The following GRIP2 variants were observed in gnomAD, a reference collection of about 807,000 sequenced individuals.
GRIP2 encodes the protein glutamate receptor interacting protein 2.
Under a neutral mutation model 108.3 loss-of-function variants are expected in GRIP2, and 58 were observed. That is an observed-to-expected ratio of 0.54 (90% CI 0.43 to 0.67). GRIP2 has a LOEUF of 0.67. GRIP2 is among the 30% of genes least tolerant of loss of function. GRIP2 has a pLI of 0.00. For synonymous variants in GRIP2, 586 were observed against 598.2 expected (o/e 0.98, Z 0.30); for missense variants, 1,278 against 1,430.6 (o/e 0.89, Z 1.72).
chr3:14,556,168 C>T, upstream of GRIP2: 2 of 393,762 alleles, frequency 5.1e-6, no homozygotes, highest in South Asian at 2.9e-4. Context: ...TCCAAAGCAG[C>T]CGGGCCTGGG....
chr3:14,559,606 G>T (rs1270934804), upstream of GRIP2, among the ~76,000 whole-genome samples: 1 of 152,096 alleles, frequency 6.6e-6, no homozygotes, highest in African/African-American at 2.4e-5. Context: ...TGTCTTGGGG[G>T]TGCAGGATCC....
chr3:14,551,616 G>A (rs1027367839), intron 1 of GRIP2, among the ~76,000 whole-genome samples: 14 of 152,176 alleles, frequency 9.2e-5, no homozygotes, highest in Admixed American at 9.2e-4. Context: ...TCCCGGGACA[G>A]GAGAAGCACA....
chr3:14,565,363 C>T, the GRIP2 span, among the ~76,000 whole-genome samples: 3 of 152,180 alleles, frequency 2.0e-5, no homozygotes, highest in Admixed American at 6.5e-5. Flanking sequence ...GGCTCCCAGA[C>T]GGGGCTGCTG....
In GRIP2 at chr3:14,505,704, G is replaced by A. The variant is rs547662300; in HGVS notation, c.2484C>T (p.Thr828=). 1,667 of 1,594,184 alleles carry A rather than the reference G, an allele frequency of 1.0e-3. 38 individuals carry two copies. In the South Asian group the frequency reaches 0.018, roughly 17 times the overall value. Residue 828 remains threonine (T), a synonymous_variant, in exon 20 of 24, where the codon ACC becomes ACT. Transcript: ENST00000621039. This position sits in a 1 kb window ranked among gnomAD's most constrained non-coding sequence, Gnocchi z 4.2. ...GGGTATAGCTCGTCCTCCGGGGCTC[G>A]GTGGGTGGGGGGCTGCCCCTCAGCC... is the stretch of plus-strand genomic sequence containing the variant. The part of the protein sequence containing the change: ...PGWLRGSPPP[T]EPRRTSYTPT...
chr3:14,532,439 G>A (rs1694733315), intron 1 of GRIP2, among the ~76,000 whole-genome samples: 1 of 152,076 alleles, frequency 6.6e-6, no homozygotes, highest in African/African-American at 2.4e-5. Flanking sequence ...GGTATTTTTT[G>A]CCAGATGATT....
Position 14,520,524 on chromosome 3 carries a change from A to T in GRIP2, c.726T>A (p.Asn242Lys). ...YDVATPDTVA[N>K]ASGPLMVEIV... ...TTTCCACCATCAAGGGTCCCGAAGC[A>T]TTAGCCACCGTGTCTGGCATGACGG... Residue 242 changes from asparagine (N) to lysine (K), a missense_variant, in exon 8 of 24, where the codon AAT (asparagine) becomes AAA (lysine). By Grantham distance (94) the Asn-to-Lys change is moderately conservative. Coordinates refer to ENST00000621039, the MANE Select transcript of GRIP2 (RefSeq NM_001080423.4). The T allele has an allele frequency of 6.2e-7, 1 of 1,614,014 alleles. No individual in the cohort carries two copies. Among genetic ancestry groups the T allele is most frequent in the Non-Finnish European group, 8.5e-7 (1 of 1,179,880 alleles).
In GRIP2 at chr3:14,513,734, C is replaced by G. The variant is rs901614226; in HGVS notation, c.1570G>C (p.Ala524Pro). ...GCGGCGTCCCGCAGGAGCTGGTTGG[C>G]TTCCTCCATAGTCCCGTCCTCGGTG... ...IATEDGTMEE[A>P]NQLLRDAALA... Residue 524 changes from alanine (A) to proline (P), a missense_variant, in exon 13 of 24, where the codon GCC (alanine) becomes CCC (proline). By Grantham distance (27) the Ala-to-Pro change is conservative. Transcript: ENST00000621039. 4 of 1,610,936 alleles carry G rather than the reference C, an allele frequency of 2.5e-6. No homozygotes were observed. The highest frequency in any genetic ancestry group is 3.4e-5 in the Admixed American group (2 of 59,692).
the GRIP2 span, among the ~76,000 whole-genome samples, chr3:14,592,870 G>A: frequency 6.6e-6 from 1 of 152,150 alleles, no homozygotes; most frequent in East Asian, 1.9e-4. Flanking sequence ...CAATGCTGCT[G>A]CTGTCTGACT....
chr3:14,507,168 C>T lies in GRIP2; in HGVS notation c.2219-188G>A, dbSNP rs1352757431. ...ACTGAGGCTCGGGGAAGCTGAGCAG[C>T]ATGCCCGAGATCACACAGTGAGCAC... On this transcript the variant is annotated intron_variant, in intron 18 of 23. Coordinates refer to ENST00000621039, the MANE Select transcript of GRIP2 (RefSeq NM_001080423.4). This position sits in a 1 kb window ranked among gnomAD's most constrained non-coding sequence, Gnocchi z 4.6. 6.6e-6 allele frequency among the ~76,000 whole-genome samples: 1 copy of T among 151,740 alleles called. No individual in the cohort carries two copies. Among genetic ancestry groups the T allele is most frequent in the Non-Finnish European group, 1.5e-5 (1 of 67,896 alleles).
chr3:14,574,447 C>T, the GRIP2 span: 1 of 713,310 alleles, frequency 1.4e-6, no homozygotes, highest in Non-Finnish European at 2.5e-6. Flanking sequence ...TTCCGCCAGC[C>T]TCGCTCCAAA....
At chr3:14,552,535 C>T (rs1575036551) in intron 1 of GRIP2, among the ~76,000 whole-genome samples, 1 of 152,164 alleles carries the variant, frequency 6.6e-6, no homozygotes, top group East Asian at 1.9e-4. Flanking sequence ...TGGCTCCTCA[C>T]CTCCTGCCTG....
At chr3:14,587,908 T>A in the GRIP2 span, among the ~76,000 whole-genome samples, 2 of 152,154 alleles carry the variant, frequency 1.3e-5, no homozygotes, top group Non-Finnish European at 2.9e-5. Flanking sequence ...TTGCACTCCG[T>A]CTATAAAAAA....
Position 14,512,910 on chromosome 3 carries a change from C to A in GRIP2, c.1640-53G>T, listed in dbSNP as rs373174841. 3 of 1,522,206 alleles carry A rather than the reference C, an allele frequency of 2.0e-6. No individual in the cohort carries two copies. Among genetic ancestry groups the A allele is most frequent in the Non-Finnish European group, 2.7e-6 (3 of 1,097,014 alleles). 94.3% of individuals were successfully genotyped at this position (1,522,206 alleles called of 1,614,324 possible). A position where few individuals can be genotyped will look rare whatever the true frequency, so the allele number is the denominator to read the frequency against. ...TGAGGACCCAGAGGAGGAGCCTCAGCGAACCCCAGCCCCATGCCCATTCTG... is the reference window on the plus strand; with the variant it reads ...TGAGGACCCAGAGGAGGAGCCTCAGAGAACCCCAGCCCCATGCCCATTCTG... On this transcript the variant is annotated intron_variant, in intron 13 of 23. Coordinates refer to ENST00000621039, the MANE Select transcript of GRIP2 (RefSeq NM_001080423.4). The surrounding 1 kb of genome is among the most constrained non-coding windows in gnomAD (Gnocchi z 5.1).
In GRIP2 at chr3:14,517,874, G is replaced by A. The variant is rs781161531; in HGVS notation, c.1054C>T (p.Leu352=). Reference sequence around the variant, plus strand: ...GGCACGCAGGGGTCCCAGCGGTGCAGCTGCTCACTCCTCTGCACTTTCACT... The same window carrying A: ...GGCACGCAGGGGTCCCAGCGGTGCAACTGCTCACTCCTCTGCACTTTCACT... ...EAVKVQRSEQ[L]HRWDPCVPSC... Residue 352 remains leucine (L), a synonymous_variant, in exon 10 of 24, where the codon CTG becomes TTG. Transcript: ENST00000621039. 1.3e-6 allele frequency: 2 copies of A among 1,591,056 alleles called. No homozygotes were observed. The highest frequency in any genetic ancestry group is 3.5e-5 in the Admixed American group (2 of 56,842).
the GRIP2 span, among the ~76,000 whole-genome samples, chr3:14,564,558 C>T: frequency 1.4e-4 from 22 of 152,366 alleles, no homozygotes; most frequent in African/African-American, 5.0e-4. Flanking sequence ...CACACAGGCA[C>T]CCGGTGGTGT....
At chr3:14,510,140 A>G (rs1694043226) in intron 16 of GRIP2, among the ~76,000 whole-genome samples, 176 bp from the exon 17 acceptor site, 1 of 152,186 alleles carries the variant, frequency 6.6e-6, no homozygotes, top group East Asian at 1.9e-4. Flanking sequence ...CCCAAATACC[A>G]GTAAAGAAAA....
intron 1 of GRIP2, among the ~76,000 whole-genome samples, chr3:14,532,906 C>G (rs1694747100): frequency 6.6e-6 from 1 of 152,222 alleles, no homozygotes; most frequent in African/African-American, 2.4e-5. Flanking sequence ...AGCCTGACAG[C>G]GTTCCCACCT....
intron 21 of GRIP2, among the ~76,000 whole-genome samples, chr3:14,501,987 A>AAAG (rs1178122947): frequency 6.6e-6 from 1 of 152,206 alleles, no homozygotes; most frequent in Non-Finnish European, 1.5e-5. Context: ...GAAGAAGTAT[A>AAAG]AAGAAAATGG....
chr3:14,546,025 A>C (rs967928496), upstream of GRIP2, among the ~76,000 whole-genome samples: 2 of 152,210 alleles, frequency 1.3e-5, no homozygotes, highest in Non-Finnish European at 2.9e-5. Context: ...CGATGTTGGC[A>C]CAGAGAATAC....
Sources: allele counts gnomAD v4.1 joint callset (sites outside exome capture counted in the v4.1 genomes callset), GRCh38; gene constraint gnomAD v4.1.1; non-coding constraint Gnocchi (gnomAD v3.1); transcripts MANE v1.5; gene names NCBI Gene and HGNC (gene_info 2026-07-23, HGNC 2026-07-21).